OR9Q2: variants seen among roughly 807,000 people sequenced by gnomAD.
The protein encoded by OR9Q2 is olfactory receptor family 9 subfamily Q member 2, also known as olfactory receptor 9Q2.
In OR9Q2, 2 loss-of-function variants were observed where a neutral mutation model predicts 2.3. That is an observed-to-expected ratio of 0.85 (90% CI 0.35 to 2.68). The LOEUF is 2.68. OR9Q2 is among the 30% of genes most tolerant of loss of function. The probability of loss-of-function intolerance (pLI) is 0.10; values close to 1 mark genes in which losing one functional copy is unlikely to be tolerated. For synonymous variants in OR9Q2, 178 were observed against 158.6 expected, an observed-to-expected ratio of 1.12 and a Z score of -0.92; for missense variants, 404 against 395.7, an observed-to-expected ratio of 1.02 and a Z score of -0.18.
chr11:58,190,284 T>C, intron 1 of OR9Q2, 35 bp from the exon 2 acceptor site: 1 of 547,160 alleles, frequency 1.8e-6, no homozygotes, highest in Non-Finnish European at 3.2e-6. Flanking sequence ...CTTTCTATAA[T>C]AGAAGCATTC....
At position 58,190,355 on chromosome 11, in the gene OR9Q2, A is replaced by C. The variant is rs903165112; in HGVS notation, c.-136A>C. The C allele has an allele frequency of 6.4e-6, 4 of 627,024 alleles. No individual in the cohort carries two copies. Among genetic ancestry groups the C allele is most frequent in the Non-Finnish European group, 1.1e-5 (4 of 351,850 alleles). The allele number at this position is 627,024 out of a possible 1,614,324, so 38.8% of individuals were successfully genotyped here. ...TCTGTCTATATCTATCTTCGACTGA[A>C]AAGTGTGTTGAAGTTGAGTGCCGAC... On this transcript the variant is annotated 5_prime_UTR_variant, in exon 2 of 2. Coordinates refer to ENST00000641291, the MANE Select transcript of OR9Q2 (RefSeq NM_001005283.3).
rs755707960 is a variant in OR9Q2 at position 58,190,930 on chromosome 11, G to A, written c.440G>A (p.Gly147Glu). ...AAGGCCCGCTGGGGCCTAGTCACTG[G>A]GGCTTACGTTGCTGGTTTTTTCAGT... ...TEKARWGLVTGAYVAGFFSAF... is the reference protein window; with the variant it reads ...TEKARWGLVTEAYVAGFFSAF... Residue 147 changes from glycine to glutamate, a missense_variant, in exon 2 of 2, where the codon GGG becomes GAG. By Grantham distance (98) the Gly-to-Glu change is moderately conservative. Transcript: ENST00000641291. The A allele has an allele frequency of 1.4e-5, 22 of 1,614,068 alleles. No homozygotes were observed. Among genetic ancestry groups the A allele is most frequent in the Non-Finnish European group, 1.2e-5 (14 of 1,180,028 alleles).
rs139222872 is a variant in OR9Q2 at position 58,191,343 on chromosome 11, C to T, written c.853C>T (p.Leu285=). 4 of 1,613,978 alleles carry T rather than the reference C, an allele frequency of 2.5e-6. No homozygotes were observed. In the African/African-American group the frequency reaches 4.0e-5, roughly 16 times the overall value. The part of the protein sequence containing the change: ...SVLYTVVTPM[L]NPLIYSLRNK... ...GCTCTACACGGTGGTGACCCCAATG[C>T]TGAATCCCCTTATCTATAGCCTGAG... Residue 285 remains leucine, a synonymous_variant, in exon 2 of 2, where the codon CTG becomes TTG. Coordinates refer to ENST00000641291, the MANE Select transcript of OR9Q2 (RefSeq NM_001005283.3).
chr11:58,191,286 C>T lies in OR9Q2; in HGVS notation c.796C>T (p.Gln266Ter). 6.2e-7 allele frequency: 1 copy of T among 1,614,126 alleles called. No individual in the cohort carries two copies. The highest frequency in any genetic ancestry group is 1.1e-5 in the South Asian group (1 of 91,070). The change falls in exon 2 of 2, where the codon CAG (glutamine) becomes TAG (stop). Residue 266 changes from glutamine to a stop codon, truncating the protein, a stop_gained. Coordinates refer to ENST00000641291, the MANE Select transcript of OR9Q2 (RefSeq NM_001005283.3). LOFTEE classifies it low-confidence loss of function (END_TRUNC). ...IFMYLRDNTG[Q>*]SSEGDRVVSV... ...CATGTACCTGCGAGACAACACAGGC[C>T]AGTCCTCCGAGGGAGACCGAGTGGT... is the stretch of plus-strand genomic sequence containing the variant.
chr11:58,189,875 T>C (rs1186728401), intron 1 of OR9Q2, among the ~76,000 whole-genome samples: 1 of 152,176 alleles, frequency 6.6e-6, no homozygotes, highest in Admixed American at 6.5e-5. Context: ...CTACTCTAAT[T>C]AGGATAACAG....
rs2120009296 is a variant in OR9Q2 at position 58,192,577 on chromosome 11, TA to T, written c.*1143del. Reference sequence around the variant, plus strand: ...GGATTGTATAATGTGACTTTGTGTATATATGTGTGTGTGTGTGTATAGTTGT... The same window carrying T: ...GGATTGTATAATGTGACTTTGTGTATTATGTGTGTGTGTGTGTATAGTTGT... On this transcript the variant is annotated 3_prime_UTR_variant, in exon 2 of 2. Coordinates refer to ENST00000641291, the MANE Select transcript of OR9Q2 (RefSeq NM_001005283.3). 6.6e-6 allele frequency: 1 copy of T among 152,280 alleles called. No homozygotes were observed. The highest frequency in any genetic ancestry group is 1.5e-5 in the Non-Finnish European group (1 of 68,014). The allele number at this position is 152,280 out of a possible 1,614,324, so 9.4% of individuals were successfully genotyped here. A position where few individuals can be genotyped will look rare whatever the true frequency, so the allele number is the denominator to read the frequency against.
At position 58,190,369 on chromosome 11, in the gene OR9Q2, T is replaced by C. The variant is rs77927189; in HGVS notation, c.-122T>C. The C allele has an allele frequency of 4.9e-3, 3,191 of 657,884 alleles. 26 individuals carry two copies. Among genetic ancestry groups the C allele is most frequent in the African/African-American group, 0.024 (1,346 of 55,466 alleles). The allele number at this position is 657,884 out of a possible 1,614,324, so 40.8% of individuals were successfully genotyped here. A position where few individuals can be genotyped will look rare whatever the true frequency, so the allele number is the denominator to read the frequency against. On this transcript the variant is annotated 5_prime_UTR_variant, in exon 2 of 2. Coordinates refer to ENST00000641291, the MANE Select transcript of OR9Q2 (RefSeq NM_001005283.3). ...TCTTCGACTGAAAAGTGTGTTGAAG[T>C]TGAGTGCCGACATGTAAGACATTCA...
intron 1 of OR9Q2, among the ~76,000 whole-genome samples, chr11:58,189,466 C>T (rs1854738045): frequency 6.6e-6 from 1 of 152,086 alleles, no homozygotes; most frequent in Non-Finnish European, 1.5e-5. Flanking sequence ...AGTTTGTGTC[C>T]AGCTCATGAC....
rs576000642 is a variant in OR9Q2 at position 58,190,772 on chromosome 11, G to C, written c.282G>C (p.Gln94His). ...VLWEHGTTIS[Q>H]ARCAAQFFLF... ...GGGAGCACGGCACAACCATCTCCCA[G>C]GCTCGCTGTGCAGCTCAGTTCTTCC... Residue 94 changes from glutamine to histidine, a missense_variant, in exon 2 of 2, where the codon CAG (glutamine) becomes CAC (histidine). Physicochemically the swap from Gln to His is conservative, Grantham distance 24. Coordinates refer to ENST00000641291, the MANE Select transcript of OR9Q2 (RefSeq NM_001005283.3). 6.2e-7 allele frequency: 1 copy of C among 1,614,196 alleles called. No homozygotes were observed. The highest frequency in any genetic ancestry group is 8.5e-7 in the Non-Finnish European group (1 of 1,180,040).
At position 58,190,837 on chromosome 11, in the gene OR9Q2, C is replaced by G; in HGVS notation, c.347C>G (p.Ala116Gly). 1 of 1,614,210 alleles carries G rather than the reference C, an allele frequency of 6.2e-7. No individual in the cohort carries two copies. The highest frequency in any genetic ancestry group is 1.6e-4 in the Middle Eastern group (1 of 6,062). ...GCCTCCATCGACTGCTACCTTCTGG[C>G]CATCATGGCCTATGACCGCTACACG... is the stretch of plus-strand genomic sequence containing the variant. Reference protein sequence around the residue: ...FFASIDCYLLAIMAYDRYTAV... With the variant: ...FFASIDCYLLGIMAYDRYTAV... Residue 116 changes from alanine (A) to glycine (G), a missense_variant, in exon 2 of 2, where the codon GCC becomes GGC. Coordinates refer to ENST00000641291, the MANE Select transcript of OR9Q2 (RefSeq NM_001005283.3).
rs1328550120 is a variant in OR9Q2, at chr11:58,191,760, G to T, written c.*325G>T. On this transcript the variant is annotated 3_prime_UTR_variant, in exon 2 of 2. Transcript: ENST00000641291. ...GAAAGGCACTCAATAAATATTTGTT[G>T]AGTGAATGAATCTCAGGTTCCATTG... The T allele has an allele frequency of 5.4e-6, 1 of 184,234 alleles. No homozygotes were observed. The highest frequency in any genetic ancestry group is 2.4e-5 in the African/African-American group (1 of 42,552). The allele number at this position is 184,234 out of a possible 1,614,324, so 11.4% of individuals were successfully genotyped here. A position where few individuals can be genotyped will look rare whatever the true frequency, so the allele number is the denominator to read the frequency against.
In OR9Q2 at chr11:58,190,302, TTTATC is replaced by T. The variant is rs1854745484; in HGVS notation, c.-172-12_-172-8del. 1.8e-5 allele frequency: 10 copies of T among 561,384 alleles called. No individual in the cohort carries two copies. The highest frequency in any genetic ancestry group is 9.3e-5 in the Admixed American group (3 of 32,350). The allele number at this position is 561,384 out of a possible 1,614,324, so 34.8% of individuals were successfully genotyped here. A position where few individuals can be genotyped will look rare whatever the true frequency, so the allele number is the denominator to read the frequency against. On this transcript the variant is annotated splice_polypyrimidine_tract_variant and intron_variant, in intron 1 of 1. Coordinates refer to ENST00000641291, the MANE Select transcript of OR9Q2 (RefSeq NM_001005283.3). Reference sequence around the variant, plus strand: ...TCTATAATAGAAGCATTCATCACTTTTTATCTTATATTACAGTGAGCTCAATATCT... The same window carrying T: ...TCTATAATAGAAGCATTCATCACTTTTTATATTACAGTGAGCTCAATATCT...
chr11:58,191,453 A>AT lies in OR9Q2; in HGVS notation c.*19dup. Reference sequence around the variant, plus strand: ...GACCCTAAATGGACCCTTGTGAAATATATCATTCCTTAGTTTCCCCATCTT... The same window carrying AT: ...GACCCTAAATGGACCCTTGTGAAATATTATCATTCCTTAGTTTCCCCATCTT... On this transcript the variant is annotated 3_prime_UTR_variant, in exon 2 of 2. Coordinates refer to ENST00000641291, the MANE Select transcript of OR9Q2 (RefSeq NM_001005283.3). The AT allele has an allele frequency of 6.7e-7, 1 of 1,484,312 alleles. No homozygotes were observed. The highest frequency in any genetic ancestry group is 9.1e-7 in the Non-Finnish European group (1 of 1,094,064). 91.9% of individuals were successfully genotyped at this position (1,484,312 alleles called of 1,614,324 possible). A position where few individuals can be genotyped will look rare whatever the true frequency, so the allele number is the denominator to read the frequency against.
Position 58,190,882 on chromosome 11 carries a change from T to TTTATG in OR9Q2, c.394_398dup (p.Thr134MetfsTer5). 6.2e-7 allele frequency: 1 copy of TTTATG among 1,614,242 alleles called. No homozygotes were observed. The highest frequency in any genetic ancestry group is 1.3e-5 in the African/African-American group (1 of 75,068). On this transcript the variant is annotated frameshift_variant, in exon 2 of 2. Transcript: ENST00000641291. LOFTEE classifies it high-confidence loss of function. ...TACACGGCCGTGTGCCAGCCCCTGCTTTATGTCACCATCATAACCGAGAAG... is the reference window on the plus strand; with the variant it reads ...TACACGGCCGTGTGCCAGCCCCTGCTTTATGTTATGTCACCATCATAACCGAGAAG...
rs765098308 is a variant in OR9Q2, at chr11:58,191,271, C to A, written c.781C>A (p.Arg261=). 1 of 1,614,040 alleles carries A rather than the reference C, an allele frequency of 6.2e-7. No individual in the cohort carries two copies. The highest frequency in any genetic ancestry group is 2.2e-5 in the East Asian group (1 of 44,858). The change falls in exon 2 of 2, where the codon CGA becomes AGA. Residue 261 remains arginine (R), a synonymous_variant. Coordinates refer to ENST00000641291, the MANE Select transcript of OR9Q2 (RefSeq NM_001005283.3). Reference sequence around the variant, plus strand: ...TGGCACCCTCATCTTCATGTACCTGCGAGACAACACAGGCCAGTCCTCCGA... The same window carrying A: ...TGGCACCCTCATCTTCATGTACCTGAGAGACAACACAGGCCAGTCCTCCGA... ...FFGTLIFMYL[R]DNTGQSSEGD...
chr11:58,193,294 C>G lies in OR9Q2; in HGVS notation c.*1859C>G, dbSNP rs991722041. ...ACAGTCCCTCCTGGGCCCAGATTAG[C>G]TCTAAACCTGGACATTTCCAGGAGT... On this transcript the variant is annotated 3_prime_UTR_variant, in exon 2 of 2. Transcript: ENST00000641291. The G allele has an allele frequency of 6.6e-6, 1 of 152,140 alleles. No individual in the cohort carries two copies. The highest frequency in any genetic ancestry group is 2.4e-5 in the African/African-American group (1 of 41,430). The allele number at this position is 152,140 out of a possible 1,614,324, so 9.4% of individuals were successfully genotyped here. A position where few individuals can be genotyped will look rare whatever the true frequency, so the allele number is the denominator to read the frequency against.
Position 58,191,555 on chromosome 11 carries a change from A to T in OR9Q2, c.*120A>T. On this transcript the variant is annotated 3_prime_UTR_variant, in exon 2 of 2. Transcript: ENST00000641291. ...ATGCAAAATCGCACCTGAACTTCCC[A>T]CCTCCACTTTCTGATTTATTATTCC... 1 of 604,306 alleles carries T rather than the reference A, an allele frequency of 1.7e-6. No individual in the cohort carries two copies. The highest frequency in any genetic ancestry group is 2.6e-5 in the South Asian group (1 of 38,026). The allele number at this position is 604,306 out of a possible 1,614,324, so 37.4% of individuals were successfully genotyped here. A position where few individuals can be genotyped will look rare whatever the true frequency, so the allele number is the denominator to read the frequency against.
In OR9Q2 at chr11:58,190,643, C is replaced by T. The variant is rs753384270; in HGVS notation, c.153C>T (p.Gly51=). 9 of 1,614,138 alleles carry T rather than the reference C, an allele frequency of 5.6e-6. No homozygotes were observed. The highest frequency in any genetic ancestry group is 5.9e-6 in the Non-Finnish European group (7 of 1,180,016). Reference sequence around the variant, plus strand: ...CAGGCATGATCCTCCTGATCCGTGGCGATCGTCGGCTCCACACCCCGATGT... The same window carrying T: ...CAGGCATGATCCTCCTGATCCGTGGTGATCGTCGGCTCCACACCCCGATGT... ...GNTGMILLIR[G]DRRLHTPMYF... The change falls in exon 2 of 2, where the codon GGC becomes GGT. Residue 51 remains glycine, a synonymous_variant. Coordinates refer to ENST00000641291, the MANE Select transcript of OR9Q2 (RefSeq NM_001005283.3).
intron 1 of OR9Q2, 96 bp from the exon 2 acceptor site, chr11:58,190,223 G>A (rs1172264746): frequency 9.2e-6 from 4 of 434,868 alleles, no homozygotes; most frequent in South Asian, 4.4e-5. Flanking sequence ...TGGGGACAGA[G>A]TTGCAAATAC....
Sources: gnomAD v4.1 joint callset for allele counts (sites outside exome capture counted in the v4.1 genomes callset) on GRCh38, gnomAD v4.1.1 for gene constraint, MANE v1.5 for transcripts, NCBI Gene and HGNC (gene_info 2026-07-23, HGNC 2026-07-21) for gene names.